MFHAS1: variants seen among roughly 807,000 people sequenced by gnomAD.
MFHAS1 encodes the protein multifunctional ROCO family signaling regulator 1, also known as malignant fibrous histiocytoma-amplified sequence 1.
In MFHAS1, 50 loss-of-function variants were observed where a neutral mutation model predicts 70.4. That is an observed-to-expected ratio of 0.71 (90% confidence interval 0.57 to 0.90). MFHAS1 has a LOEUF of 0.90. Among genes scored for constraint, MFHAS1 ranks in the 40% least tolerant of loss-of-function variants. MFHAS1 has a pLI of 0.00. For missense variants in MFHAS1, 1,795 were observed against 1,347.6 expected (o/e 1.33, Z -5.20); for synonymous variants, 952 against 620.0 (o/e 1.54, Z -7.96).
intron 1 of MFHAS1, among the ~76,000 whole-genome samples, chr8:8,882,200 G>C (rs142307343): frequency 6.6e-6 from 1 of 151,970 alleles, no homozygotes; most frequent in African/African-American, 2.4e-5. Flanking sequence ...CACTAACATA[G>C]TGAAACCCCC....
At chr8:8,886,339 AT>A (rs1016596679) in intron 1 of MFHAS1, among the ~76,000 whole-genome samples, 3 of 150,326 alleles carry the variant, frequency 2.0e-5, no homozygotes, top group Admixed American at 1.3e-4. Context: ...TTTATTTTTT[AT>A]TTTTTTTTGT....
chr8:8,885,291 T>G (rs978677045), intron 1 of MFHAS1, among the ~76,000 whole-genome samples: 1 of 146,114 alleles, frequency 6.8e-6, no homozygotes, highest in African/African-American at 2.6e-5. Context: ...TTTGGGTTGC[T>G]TTCTCCTTAT....
chr8:8,802,876 C>T (rs1447364119), intron 1 of MFHAS1, among the ~76,000 whole-genome samples: 1 of 152,186 alleles, frequency 6.6e-6, no homozygotes, highest in African/African-American at 2.4e-5. Flanking sequence ...ATGCTGAATT[C>T]ATGGGGAAGG....
intron 1 of MFHAS1, among the ~76,000 whole-genome samples, chr8:8,865,146 A>G (rs1808808495): frequency 6.6e-6 from 1 of 151,862 alleles, no homozygotes; most frequent in African/African-American, 2.4e-5. Flanking sequence ...GCACGGTGGC[A>G]TGCACCTGTA....
chr8:8,878,874 A>G (rs1028956850), intron 1 of MFHAS1, among the ~76,000 whole-genome samples: 1 of 152,216 alleles, frequency 6.6e-6, no homozygotes, highest in African/African-American at 2.4e-5. Flanking sequence ...CTAATAGTAC[A>G]AAAGTACTTC....
chr8:8,836,741 T>C (rs1275412486), intron 1 of MFHAS1, among the ~76,000 whole-genome samples: 1 of 152,212 alleles, frequency 6.6e-6, no homozygotes, highest in African/African-American at 2.4e-5. Context: ...GAACTCAAGG[T>C]TGGGGAGAAC....
intron 1 of MFHAS1, among the ~76,000 whole-genome samples, chr8:8,858,805 A>G (rs1808551230): frequency 6.6e-6 from 1 of 152,118 alleles, no homozygotes. Context: ...ATGTTGTTCA[A>G]GGATCAACTA....
chr8:8,787,464 G>C (rs892850062), intron 2 of MFHAS1, among the ~76,000 whole-genome samples: 1 of 152,160 alleles, frequency 6.6e-6, no homozygotes, highest in Non-Finnish European at 1.5e-5. Flanking sequence ...GACAGAGCCA[G>C]GCCTTTCACT....
At chr8:8,794,985 G>C (rs762537936) in intron 2 of MFHAS1, among the ~76,000 whole-genome samples, 5 of 152,160 alleles carry the variant, frequency 3.3e-5, no homozygotes, top group African/African-American at 1.2e-4. Flanking sequence ...GATAAAGCTG[G>C]CTTGGTGCCA....
chr8:8,883,291 CAG>C (rs1439223514), intron 1 of MFHAS1, among the ~76,000 whole-genome samples: 1 of 152,212 alleles, frequency 6.6e-6, no homozygotes, highest in East Asian at 1.9e-4. Context: ...CCAAGGCTGC[CAG>C]AGACAAGAGA....
At chr8:8,873,278 C>T (rs929581941) in intron 1 of MFHAS1, among the ~76,000 whole-genome samples, 6 of 152,246 alleles carry the variant, frequency 3.9e-5, no homozygotes, top group Admixed American at 3.9e-4. Context: ...ATGTGACCAG[C>T]TCTGTTCGGC....
intron 2 of MFHAS1, among the ~76,000 whole-genome samples, chr8:8,796,515 C>G (rs1805900390): frequency 6.7e-6 from 1 of 148,456 alleles, no homozygotes; most frequent in African/African-American, 2.5e-5. Flanking sequence ...AACCCCGTCT[C>G]TACTAAAAAT....
chr8:8,880,281 G>A (rs972282958), intron 1 of MFHAS1, among the ~76,000 whole-genome samples: 1 of 152,200 alleles, frequency 6.6e-6, no homozygotes, highest in African/African-American at 2.4e-5. Context: ...CAGGAAGAAT[G>A]ACACCAATGT....
intron 1 of MFHAS1, among the ~76,000 whole-genome samples, chr8:8,873,678 G>C (rs1416961226): frequency 6.6e-6 from 1 of 152,128 alleles, no homozygotes; most frequent in African/African-American, 2.4e-5. Flanking sequence ...CAACGGTGTG[G>C]AACTCGAGAG....
chr8:8,890,682 G>GAACAT lies in MFHAS1; in HGVS notation c.2376_2377insATGTT (p.Leu793MetfsTer51). 1 of 1,613,576 alleles carries GAACAT rather than the reference G, an allele frequency of 6.2e-7. No individual in the cohort carries two copies. The highest frequency in any genetic ancestry group is 8.5e-7 in the Non-Finnish European group (1 of 1,179,660). On this transcript the variant is annotated frameshift_variant, in exon 1 of 3. Transcript: ENST00000276282. LOFTEE classifies it high-confidence loss of function. ...TGAGCTGGCAAGAGCCCATGCAACAGAAAGCCCTCCACATACTGATGGAGC... is the reference window on the plus strand; with the variant it reads ...TGAGCTGGCAAGAGCCCATGCAACAGAACATAAAGCCCTCCACATACTGATGGAGC...
chr8:8,831,939 G>C (rs553410419), intron 1 of MFHAS1, among the ~76,000 whole-genome samples: 1 of 152,022 alleles, frequency 6.6e-6, no homozygotes, highest in African/African-American at 2.4e-5. Context: ...AAGAGCCCAG[G>C]CAATTTAAAG....
intron 1 of MFHAS1, among the ~76,000 whole-genome samples, chr8:8,883,849 C>G (rs920311483): frequency 6.6e-6 from 1 of 152,100 alleles, no homozygotes; most frequent in Non-Finnish European, 1.5e-5. Flanking sequence ...AAGCCCCTCA[C>G]CTCTTCACGG....
In MFHAS1 at chr8:8,892,232, T is replaced by G. The variant is rs1166726456; in HGVS notation, c.827A>C (p.Lys276Thr). The change falls in exon 1 of 3, where the codon AAA becomes ACA. Residue 276 changes from lysine to threonine, a missense_variant. Lys to Thr is a moderately conservative substitution (Grantham distance 78). Coordinates refer to ENST00000276282, the MANE Select transcript of MFHAS1 (RefSeq NM_004225.3). The surrounding 1 kb of genome is among the most constrained non-coding windows in gnomAD (Gnocchi z 4.7). ...PAQFSCLQRL[K>T]MLNLSSNLFE... The stretch of plus-strand genomic sequence containing the variant: ...GAGGTTGGAGGAGAGGTTGAGCATT[T>G]TGAGCCGCTGCAGGCAGCTGAACTG... The G allele has an allele frequency of 1.9e-6, 3 of 1,611,238 alleles. No individual in the cohort carries two copies. The highest frequency in any genetic ancestry group is 2.2e-5 in the East Asian group (1 of 44,880).
At chr8:8,887,803 G>A (rs2116942849) in intron 1 of MFHAS1, among the ~76,000 whole-genome samples, 1 of 145,854 alleles carries the variant, frequency 6.9e-6, no homozygotes, top group Admixed American at 7.0e-5. Flanking sequence ...AAGCTTGTCT[G>A]TGGAATTTAT....
Sources: allele counts gnomAD v4.1 joint callset (sites outside exome capture counted in the v4.1 genomes callset), GRCh38; gene constraint gnomAD v4.1.1; non-coding constraint Gnocchi (gnomAD v3.1); transcripts MANE v1.5; gene names NCBI Gene and HGNC (gene_info 2026-07-23, HGNC 2026-07-21).